SCN3B: variants seen among roughly 807,000 people sequenced by gnomAD.
SCN3B encodes sodium voltage-gated channel beta subunit 3.
Under a neutral mutation model 25.4 loss-of-function variants are expected in SCN3B, and 11 were observed. The ratio of observed to expected loss-of-function variants is 0.43; its 90% CI spans 0.27 to 0.72. The LOEUF is 0.72. Among genes scored for constraint, SCN3B ranks in the 30% least tolerant of loss-of-function variants. The probability of loss-of-function intolerance (pLI) is 0.18; values close to 1 mark genes in which losing one functional copy is unlikely to be tolerated. For missense variants in SCN3B, 218 were observed against 278.3 expected, an observed-to-expected ratio of 0.78 and a Z score of 1.54; for synonymous variants, 109 against 110.7, an observed-to-expected ratio of 0.99 and a Z score of 0.09.
At chr11:123,637,604 C>G (rs1955743520) in intron 5 of SCN3B, among the ~76,000 whole-genome samples, 1 of 152,192 alleles carries the variant, frequency 6.6e-6, no homozygotes, top group Non-Finnish European at 1.5e-5. Context: ...TCTCAGCTCA[C>G]TGCAACCTCC....
chr11:123,652,947 A>G (rs1955944110), intron 2 of SCN3B, among the ~76,000 whole-genome samples: 1 of 152,198 alleles, frequency 6.6e-6, no homozygotes, highest in Admixed American at 6.5e-5. Flanking sequence ...ACACACATTC[A>G]GGCACTCCAA....
At chr11:123,652,366 TTACCTCCCTCCTCAA>T (rs1955936388) in intron 2 of SCN3B, among the ~76,000 whole-genome samples, 1 of 152,214 alleles carries the variant, frequency 6.6e-6, no homozygotes, top group East Asian at 1.9e-4. Flanking sequence ...GGGGCTGACA[TTACCTCCCTCCTCAA>T]CCTTCCTAGT....
At position 123,632,998 on chromosome 11, in the gene SCN3B, G is replaced by A. The variant is rs1955689326; in HGVS notation, c.*801C>T. ...TGAGAGGAAGAACTCAGGAATTTCA[G>A]TCCTAATGCCCAGGTGGTGTGCCCA... On this transcript the variant is annotated 3_prime_UTR_variant, in exon 7 of 7. Coordinates refer to ENST00000299333, the MANE Select transcript of SCN3B (RefSeq NM_001040151.2). The A allele has an allele frequency of 6.6e-6, 1 of 152,216 alleles. No homozygotes were observed. The highest frequency in any genetic ancestry group is 1.5e-5 in the Non-Finnish European group (1 of 68,052). The allele number at this position is 152,216 out of a possible 1,614,324, so 9.4% of individuals were successfully genotyped here.
intron 2 of SCN3B, among the ~76,000 whole-genome samples, chr11:123,649,808 A>AT (rs1368058479): frequency 6.6e-6 from 1 of 151,398 alleles, no homozygotes; most frequent in East Asian, 1.9e-4. Flanking sequence ...GGTTCAAGCG[A>AT]TTCTCCTGCC....
chr11:123,641,928 G>A (rs1955796387), intron 4 of SCN3B, among the ~76,000 whole-genome samples: 1 of 152,124 alleles, frequency 6.6e-6, no homozygotes, highest in Non-Finnish European at 1.5e-5. Context: ...GTCACGCAGT[G>A]CAAACTCTCA....
At chr11:123,651,219 G>A (rs1955922123) in intron 2 of SCN3B, among the ~76,000 whole-genome samples, 1 of 151,574 alleles carries the variant, frequency 6.6e-6, no homozygotes, top group Admixed American at 6.6e-5. Context: ...CATGCAGAAA[G>A]TAAATGGAAA....
intron 3 of SCN3B, among the ~76,000 whole-genome samples, chr11:123,643,628 T>G (rs887185917): frequency 2.0e-5 from 3 of 152,268 alleles, no homozygotes; most frequent in African/African-American, 7.2e-5. Context: ...AACATTTCTA[T>G]GAGACAGCCT....
intron 4 of SCN3B, chr11:123,638,678 G>A (rs572492809): frequency 3.9e-4 from 140 of 357,034 alleles, no homozygotes; most frequent in Non-Finnish European, 6.2e-4. Flanking sequence ...GTAGGTTGAG[G>A]ATAATAACAC....
At chr11:123,645,788 G>T (rs1317611147) in intron 2 of SCN3B, 38 bp from the exon 3 acceptor site, 1 of 1,609,650 alleles carries the variant, frequency 6.2e-7, no homozygotes, top group Middle Eastern at 1.7e-4. Flanking sequence ...GGAACAGCAG[G>T]TGGTGGGGGA....
chr11:123,644,812 T>G (rs1187181735), intron 3 of SCN3B, among the ~76,000 whole-genome samples: 1 of 63,776 alleles, frequency 1.6e-5, no homozygotes, highest in African/African-American at 1.2e-4. Flanking sequence ...TATATATATA[T>G]ATATATATAT....
chr11:123,641,578 T>A (rs900700856), intron 4 of SCN3B, among the ~76,000 whole-genome samples: 1 of 152,158 alleles, frequency 6.6e-6, no homozygotes, highest in Non-Finnish European at 1.5e-5. Flanking sequence ...GTGATAATGC[T>A]GGAGATAGAC....
chr11:123,644,723 T>C (rs1389163750), intron 3 of SCN3B, among the ~76,000 whole-genome samples: 1 of 140,826 alleles, frequency 7.1e-6, no homozygotes, highest in Non-Finnish European at 1.5e-5. Flanking sequence ...GTAAGCGAGA[T>C]CACACCACTG....
chr11:123,642,723 G>T lies in SCN3B; in HGVS notation c.220-52C>A. The T allele has an allele frequency of 4.9e-6, 7 of 1,415,052 alleles. No individual in the cohort carries two copies. Among genetic ancestry groups the T allele is most frequent in the Non-Finnish European group, 7.0e-6 (7 of 1,005,614 alleles). The allele number at this position is 1,415,052 out of a possible 1,614,324, so 87.7% of individuals were successfully genotyped here. On this transcript the variant is annotated intron_variant, in intron 3 of 6. Coordinates refer to ENST00000299333, the MANE Select transcript of SCN3B (RefSeq NM_001040151.2). This position sits in a 1 kb window ranked among gnomAD's most constrained non-coding sequence, Gnocchi z 4.3. ...AGGGCCAGGAAAGGAGATGGCAGTG[G>T]GGGGAAGCCGAGTTAGGGACAGGGC...
Position 123,638,319 on chromosome 11 carries a change from C to G in SCN3B, c.451G>C (p.Glu151Gln). The G allele has an allele frequency of 6.2e-7, 1 of 1,614,034 alleles. No individual in the cohort carries two copies. Among genetic ancestry groups the G allele is most frequent in the Non-Finnish European group, 8.5e-7 (1 of 1,180,034 alleles). ...IPLRVTEEAG[E>Q]DFTSVVSEIM... is the part of the protein sequence containing the mutation. The stretch of plus-strand genomic sequence containing the variant: ...TCTGAGACCACAGAGGTGAAGTCCT[C>G]TCCAGCTGAAAGAAAGAGAATGAGG... Residue 151 changes from glutamate (E) to glutamine (Q), a missense_variant, in exon 5 of 7, where the codon GAG (glutamate) becomes CAG (glutamine). Coordinates refer to ENST00000299333, the MANE Select transcript of SCN3B (RefSeq NM_001040151.2).
At chr11:123,653,030 A>T (rs1466107456) in intron 2 of SCN3B, among the ~76,000 whole-genome samples, 1 of 152,084 alleles carries the variant, frequency 6.6e-6, no homozygotes, top group Non-Finnish European at 1.5e-5. Flanking sequence ...GGGGAAGGTC[A>T]CCTCAGTTTC....
In SCN3B at chr11:123,642,679, T is replaced by C; in HGVS notation, c.220-8A>G. ...ATTCCGATACTCGTAAATCTGCAGA[T>C]AGAGGAGCAGAAGAGGGTAGGGCCA... On this transcript the variant is annotated splice_region_variant and splice_polypyrimidine_tract_variant and intron_variant, in intron 3 of 6. Transcript: ENST00000299333. This position sits in a 1 kb window ranked among gnomAD's most constrained non-coding sequence, Gnocchi z 4.3. 6.2e-7 allele frequency: 1 copy of C among 1,608,472 alleles called. No homozygotes were observed. Among genetic ancestry groups the C allele is most frequent in the South Asian group, 1.1e-5 (1 of 90,928 alleles).
intron 2 of SCN3B, among the ~76,000 whole-genome samples, chr11:123,649,625 TTTTC>T (rs202141969): frequency 0.015 from 2,213 of 147,344 alleles, 56 homozygotes; most frequent in African/African-American, 0.052. Flanking sequence ...TTTCTTTCTT[TTTTC>T]TTTCTTTCTT....
rs534375024 is a variant in SCN3B at position 123,651,616 on chromosome 11, G to A, written c.55+2131C>T. 2.0e-4 allele frequency among the ~76,000 whole-genome samples: 31 copies of A among 152,252 alleles called. No homozygotes were observed. The South Asian group carries it at 5.6e-3, about 27-fold the overall frequency. ...TGACCTCAGGTGATCCACCCGCCTC[G>A]GCCTCCCAAATTGTTGGGATTACAG... On this transcript the variant is annotated intron_variant, in intron 2 of 6. Coordinates refer to ENST00000299333, the MANE Select transcript of SCN3B (RefSeq NM_001040151.2).
At chr11:123,636,434 A>G (rs891538170) in intron 5 of SCN3B, among the ~76,000 whole-genome samples, 1 of 152,178 alleles carries the variant, frequency 6.6e-6, no homozygotes, top group African/African-American at 2.4e-5. Flanking sequence ...TTCCAACACA[A>G]TATTGATAGA....
Sources: allele counts gnomAD v4.1 joint callset (sites outside exome capture counted in the v4.1 genomes callset), GRCh38; gene constraint gnomAD v4.1.1; non-coding constraint Gnocchi (gnomAD v3.1); transcripts MANE v1.5; gene names NCBI Gene and HGNC (gene_info 2026-07-23, HGNC 2026-07-21).